Variants in DNAH6 observed in about 807,000 individuals in gnomAD.
The protein encoded by DNAH6 is dynein axonemal heavy chain 6.
In DNAH6, 340 loss-of-function variants were observed where a neutral mutation model predicts 491.4. The ratio of observed to expected loss-of-function variants is 0.69; its 90% confidence interval spans 0.63 to 0.76. The LOEUF (loss-of-function observed/expected upper bound fraction) is 0.76, where lower values mean the gene tolerates loss of function less well. Ranked by LOEUF, DNAH6 falls within the 30% of genes least tolerant of loss-of-function variation. DNAH6 has a pLI of 0.00. For synonymous variants in DNAH6, 1,603 were observed against 1,686.1 expected, an observed-to-expected ratio of 0.95 and a Z score of 1.21; for missense variants, 4,443 against 4,972.2, an observed-to-expected ratio of 0.89 and a Z score of 3.20.
At chr2:84,643,160 G>T (rs1240425022) in intron 33 of DNAH6, among the ~76,000 whole-genome samples, 1 of 151,924 alleles carries the variant, frequency 6.6e-6, no homozygotes, top group Non-Finnish European at 1.5e-5. Flanking sequence ...ATTCTAGGTT[G>T]GTGGGGTTTT....
chr2:84,717,541 G>C (rs1697659562), intron 58 of DNAH6, among the ~76,000 whole-genome samples: 1 of 152,114 alleles, frequency 6.6e-6, no homozygotes, highest in African/African-American at 2.4e-5. Context: ...CTGCAAGCTG[G>C]GGATGATAAC....
chr2:84,616,111 G>T (rs1478028939), intron 22 of DNAH6, among the ~76,000 whole-genome samples: 2 of 151,912 alleles, frequency 1.3e-5, no homozygotes, highest in Non-Finnish European at 2.9e-5. Context: ...TTATCATGTG[G>T]TCTATTTTGG....
chr2:84,583,866 T>C (rs913529416), intron 14 of DNAH6, 133 bp from the exon 15 acceptor site: 5 of 918,680 alleles, frequency 5.4e-6, no homozygotes, highest in Non-Finnish European at 8.2e-6. Flanking sequence ...GTCTTAGATA[T>C]GTCTTTATTA....
intron 37 of DNAH6, among the ~76,000 whole-genome samples, chr2:84,665,347 C>T (rs1436659082): frequency 4.0e-5 from 6 of 151,738 alleles, no homozygotes; most frequent in African/African-American, 7.3e-5. Flanking sequence ...ATTGATAGAC[C>T]ACTAGCAAGA....
chr2:84,806,217 T>C (rs1679399475), intron 71 of DNAH6, among the ~76,000 whole-genome samples: 1 of 152,210 alleles, frequency 6.6e-6, no homozygotes, highest in African/African-American at 2.4e-5. Context: ...AGAGAACAAT[T>C]CCACTAAAAG....
chr2:84,806,202 G>C (rs1026066814), intron 71 of DNAH6, among the ~76,000 whole-genome samples: 1 of 152,166 alleles, frequency 6.6e-6, no homozygotes, highest in Non-Finnish European at 1.5e-5. Flanking sequence ...GGACAGTATA[G>C]AGATAGAGAA....
At chr2:84,778,239 A>T in intron 64 of DNAH6, 1 of 630,812 alleles carries the variant, frequency 1.6e-6, no homozygotes, top group Non-Finnish European at 2.9e-6. Context: ...ACTTGGAACC[A>T]AAAGGAATCA....
At position 84,672,456 on chromosome 2, in the gene DNAH6, G is replaced by GA; in HGVS notation, c.6587dup (p.Asn2196LysfsTer62). On this transcript the variant is annotated frameshift_variant, in exon 40 of 77. Coordinates refer to ENST00000389394, the MANE Select transcript of DNAH6 (RefSeq NM_001370.2). LOFTEE classifies it high-confidence loss of function. ...CAAGATTTTGGGGGATTTTATGACA[G>GA]AAACAAACTGTTTTGGAAAGAAATA... is the stretch of plus-strand genomic sequence containing the variant. The GA allele has an allele frequency of 6.4e-7, 1 of 1,551,028 alleles. No homozygotes were observed. Among genetic ancestry groups the GA allele is most frequent in the South Asian group, 1.2e-5 (1 of 83,772 alleles).
chr2:84,742,607 A>G (rs1271834491), intron 62 of DNAH6, among the ~76,000 whole-genome samples: 1 of 151,668 alleles, frequency 6.6e-6, no homozygotes, highest in Non-Finnish European at 1.5e-5. Context: ...ATCTGTTTGG[A>G]CTTACATTGG....
intron 2 of DNAH6, among the ~76,000 whole-genome samples, 161 bp from the exon 3 acceptor site, chr2:84,525,404 A>G (rs2104431261): frequency 6.6e-6 from 1 of 152,272 alleles, no homozygotes; most frequent in Admixed American, 6.6e-5. Flanking sequence ...TAGGCCAGGG[A>G]CAGGCAATGG....
the DNAH6 span, among the ~76,000 whole-genome samples, chr2:84,472,704 ATGTTTG>A: frequency 1.3e-5 from 2 of 152,202 alleles, no homozygotes; most frequent in Admixed American, 6.5e-5. Context: ...AAAGAATGAA[ATGTTTG>A]TGCATCAGCA....
At chr2:84,469,337 A>AT in the DNAH6 span, among the ~76,000 whole-genome samples, 3 of 150,778 alleles carry the variant, frequency 2.0e-5, no homozygotes, top group African/African-American at 4.9e-5. This position sits in a 1 kb window ranked among gnomAD's most constrained non-coding sequence, Gnocchi z 4.0. Flanking sequence ...AAAGGAAAAA[A>AT]TTTTTTTTTT....
intron 64 of DNAH6, among the ~76,000 whole-genome samples, chr2:84,779,353 T>G (rs1361086567): frequency 6.6e-6 from 1 of 152,224 alleles, no homozygotes; most frequent in Non-Finnish European, 1.5e-5. Flanking sequence ...TTTAGGATAG[T>G]TAAGTCTTTT....
At chr2:84,704,840 A>G (rs940853154) in intron 51 of DNAH6, among the ~76,000 whole-genome samples, 1 of 152,234 alleles carries the variant, frequency 6.6e-6, no homozygotes, top group African/African-American at 2.4e-5. Flanking sequence ...CAATAAAATT[A>G]TGTTGTAATG....
chr2:84,778,088 A>G lies in DNAH6; in HGVS notation c.10704-3405A>G. Reference sequence around the variant, plus strand: ...CATCTCTCCCTTCAGTTTATCTTCCAGTTAAACTGCCCGTCAGTTGTGGCA... The same window carrying G: ...CATCTCTCCCTTCAGTTTATCTTCCGGTTAAACTGCCCGTCAGTTGTGGCA... On this transcript the variant is annotated intron_variant, in intron 64 of 76. Transcript: ENST00000389394. 3 of 838,102 alleles carry G rather than the reference A, an allele frequency of 3.6e-6. No individual in the cohort carries two copies. The South Asian group carries it at 4.0e-5, about 11-fold the overall frequency. The allele number at this position is 838,102 out of a possible 1,614,324, so 51.9% of individuals were successfully genotyped here. A position where few individuals can be genotyped will look rare whatever the true frequency, so the allele number is the denominator to read the frequency against.
chr2:84,725,678 T>C (rs1486721281), intron 60 of DNAH6, among the ~76,000 whole-genome samples: 1 of 152,196 alleles, frequency 6.6e-6, no homozygotes, highest in Non-Finnish European at 1.5e-5. Flanking sequence ...ATAGGATGAA[T>C]CATGAAAGCT....
rs757460577 is a variant in DNAH6, at chr2:84,637,203, C to G, written c.4654-7C>G. 4.6e-6 allele frequency: 7 copies of G among 1,525,530 alleles called. No individual in the cohort carries two copies. In the South Asian group the frequency reaches 8.8e-5, roughly 19 times the overall value. 94.5% of individuals were successfully genotyped at this position (1,525,530 alleles called of 1,614,324 possible). A position where few individuals can be genotyped will look rare whatever the true frequency, so the allele number is the denominator to read the frequency against. ...AGAGTGTTAACTTATATTTTATCTT[C>G]GAACAGCTCTCTAGATTCATGTTTG... On this transcript the variant is annotated splice_region_variant and splice_polypyrimidine_tract_variant and intron_variant, in intron 30 of 76. Coordinates refer to ENST00000389394, the MANE Select transcript of DNAH6 (RefSeq NM_001370.2).
intron 64 of DNAH6, among the ~76,000 whole-genome samples, chr2:84,772,794 A>G (rs1015557988): frequency 1.4e-4 from 22 of 152,108 alleles, no homozygotes; most frequent in Non-Finnish European, 2.9e-5. Context: ...TAATATTAAT[A>G]GATTTGGCAG....
chr2:84,534,396 G>T (rs60999467), intron 4 of DNAH6, among the ~76,000 whole-genome samples: 3,599 of 152,138 alleles, frequency 0.024, 57 homozygotes, highest in Middle Eastern at 0.092. Flanking sequence ...TGTAGTCCCC[G>T]CTGCCAGAGA....
Sources: allele counts gnomAD v4.1 joint callset (sites outside exome capture counted in the v4.1 genomes callset), GRCh38; gene constraint gnomAD v4.1.1; non-coding constraint Gnocchi (gnomAD v3.1); transcripts MANE v1.5; gene names NCBI Gene and HGNC (gene_info 2026-07-23, HGNC 2026-07-21).